Variants in SMYD2 observed in about 807,000 individuals in gnomAD.
SMYD2 encodes SET and MYND domain containing 2.
A neutral mutation model predicts 59.1 loss-of-function variants in SMYD2; 53 were observed. That is an observed-to-expected ratio of 0.90 (90% CI 0.72 to 1.13). The LOEUF (loss-of-function observed/expected upper bound fraction) is 1.13. Among genes scored for constraint, SMYD2 ranks in the 50% most tolerant of loss-of-function variants. The pLI, the probability that SMYD2 is intolerant of heterozygous loss-of-function variation, is 0.00. For synonymous variants in SMYD2, 208 were observed against 198.8 expected (o/e 1.05, Z -0.39); for missense variants, 494 against 544.7 (o/e 0.91, Z 0.93).
chr1:214,313,205 C>T (rs903449161), intron 2 of SMYD2, among the ~76,000 whole-genome samples: 1 of 152,132 alleles, frequency 6.6e-6, no homozygotes, highest in Admixed American at 6.6e-5. Flanking sequence ...CAACCTCTGC[C>T]TCCTGGGTTC....
At chr1:214,317,597 G>A (rs1442532032) in intron 3 of SMYD2, among the ~76,000 whole-genome samples, 4 of 152,180 alleles carry the variant, frequency 2.6e-5, no homozygotes, top group African/African-American at 7.2e-5. Flanking sequence ...CCAGCAACGC[G>A]TTTAAAGTGA....
intron 1 of SMYD2, among the ~76,000 whole-genome samples, chr1:214,288,299 C>T (rs1055280878): frequency 1.3e-5 from 2 of 152,180 alleles, no homozygotes; most frequent in African/African-American, 4.8e-5. Context: ...GGCCTTATTC[C>T]ATTTTACATA....
intron 3 of SMYD2, among the ~76,000 whole-genome samples, chr1:214,317,123 C>T (rs1230963509): frequency 2.0e-5 from 3 of 152,018 alleles, no homozygotes; most frequent in African/African-American, 4.8e-5. Flanking sequence ...AAATGCATCC[C>T]GTGAATGGAA....
chr1:214,282,433 A>G (rs1297967439), intron 1 of SMYD2, among the ~76,000 whole-genome samples: 1 of 152,188 alleles, frequency 6.6e-6, no homozygotes, highest in African/African-American at 2.4e-5. Flanking sequence ...ATTGGGGTTA[A>G]GTTTATATCA....
Position 214,283,178 on chromosome 1 carries a change from C to T in SMYD2, c.173+1751C>T, listed in dbSNP as rs556560087. Among the ~76,000 whole-genome samples, 7 of 152,342 alleles carry T rather than the reference C, an allele frequency of 4.6e-5. No homozygotes were observed. In the South Asian group the frequency reaches 1.2e-3, roughly 27 times the overall value. On this transcript the variant is annotated intron_variant, in intron 1 of 11. Transcript: ENST00000366957. Reference sequence around the variant, plus strand: ...TTAGCTTTAAGTCTCCTAATTGTATCTACTACGCATACCCCCAACCTTAGA... The same window carrying T: ...TTAGCTTTAAGTCTCCTAATTGTATTTACTACGCATACCCCCAACCTTAGA...
chr1:214,318,552 T>A lies in SMYD2; in HGVS notation c.410-307T>A, dbSNP rs1263662314. ...CCAATTGGGGGGCCCTTGACTAGGC[T>A]GAGGCTGGTTATGAGTCATTGCTAC... On this transcript the variant is annotated intron_variant, in intron 4 of 11. Transcript: ENST00000366957. This position sits in a 1 kb window ranked among gnomAD's most constrained non-coding sequence, Gnocchi z 5.4. Among the ~76,000 whole-genome samples the A allele has an allele frequency of 6.6e-6, 1 of 152,172 alleles. No individual in the cohort carries two copies. The highest frequency in any genetic ancestry group is 1.9e-4 in the East Asian group (1 of 5,184).
intron 1 of SMYD2, among the ~76,000 whole-genome samples, chr1:214,291,909 A>G (rs115386036): frequency 0.011 from 1,683 of 152,102 alleles, 35 homozygotes; most frequent in African/African-American, 0.038. Flanking sequence ...TTTAAACAGC[A>G]CTCTAAAAAA....
chr1:214,281,178 T>G lies in SMYD2; in HGVS notation c.-77T>G. 8 of 1,050,762 alleles carry G rather than the reference T, an allele frequency of 7.6e-6. No individual in the cohort carries two copies. Among genetic ancestry groups the G allele is most frequent in the South Asian group, 4.8e-5 (1 of 20,866 alleles). The allele number at this position is 1,050,762 out of a possible 1,614,324, so 65.1% of individuals were successfully genotyped here. A position where few individuals can be genotyped will look rare whatever the true frequency, so the allele number is the denominator to read the frequency against. On this transcript the variant is annotated 5_prime_UTR_variant, in exon 1 of 12. Coordinates refer to ENST00000366957, the MANE Select transcript of SMYD2 (RefSeq NM_020197.3). ...GCTCCCACCCCGCCCCCCGCAGCTC[T>G]AGGTGACGCGTCTCCAATAACAGCT...
At chr1:214,319,659 C>T (rs143585467) in intron 5 of SMYD2, among the ~76,000 whole-genome samples, 1 of 152,340 alleles carries the variant, frequency 6.6e-6, no homozygotes, top group Non-Finnish European at 1.5e-5. Context: ...GTGCAGTGGC[C>T]ATGCCTCGGG....
chr1:214,314,163 G>A (rs561185196), intron 2 of SMYD2, among the ~76,000 whole-genome samples: 3 of 151,270 alleles, frequency 2.0e-5, no homozygotes, highest in Non-Finnish European at 2.9e-5. Flanking sequence ...GCAACAGAGC[G>A]AGACTCTGTC....
chr1:214,317,301 TTGA>T (rs1480425052), intron 3 of SMYD2, among the ~76,000 whole-genome samples: 1 of 152,194 alleles, frequency 6.6e-6, no homozygotes, highest in Non-Finnish European at 1.5e-5. Flanking sequence ...TCTATAGGAC[TTGA>T]TGATTAAAAA....
At chr1:214,336,417 A>C (rs915982811) in intron 11 of SMYD2, among the ~76,000 whole-genome samples, 7 of 152,352 alleles carry the variant, frequency 4.6e-5, no homozygotes, top group African/African-American at 1.7e-4. Context: ...CTGTGGTCCC[A>C]GCTACTCGGG....
intron 2 of SMYD2, among the ~76,000 whole-genome samples, chr1:214,305,633 ATCTTACC>A (rs1656905052): frequency 6.6e-6 from 1 of 152,188 alleles, no homozygotes; most frequent in Non-Finnish European, 1.5e-5. Context: ...AGCAGGCTAC[ATCTTACC>A]CTTGGGCTGT....
chr1:214,330,610 T>C (rs1372147090), intron 8 of SMYD2, among the ~76,000 whole-genome samples: 2 of 152,248 alleles, frequency 1.3e-5, no homozygotes, highest in Admixed American at 1.3e-4. Flanking sequence ...CCAGAATATG[T>C]GGAAGTTTCC....
chr1:214,302,536 G>A lies in SMYD2; in HGVS notation c.174-2651G>A, dbSNP rs79665167. ...TGAAAGGGTCTCCGGGACCCCAGCAGTCTGTAGACCTTCTTGAGAATCACT... is the reference window on the plus strand; with the variant it reads ...TGAAAGGGTCTCCGGGACCCCAGCAATCTGTAGACCTTCTTGAGAATCACT... On this transcript the variant is annotated intron_variant, in intron 1 of 11. Transcript: ENST00000366957. 2.6e-3 allele frequency among the ~76,000 whole-genome samples: 392 copies of A among 152,284 alleles called. 2 individuals carry two copies. Among genetic ancestry groups the A allele is most frequent in the African/African-American group, 8.6e-3 (359 of 41,556 alleles).
intron 2 of SMYD2, among the ~76,000 whole-genome samples, chr1:214,313,450 C>T (rs1657031200): frequency 1.3e-5 from 2 of 151,520 alleles, no homozygotes; most frequent in South Asian, 4.2e-4. Context: ...CCAATTCCAT[C>T]GTGAAAGAGA....
chr1:214,329,320 C>A (rs1361860304), intron 7 of SMYD2, among the ~76,000 whole-genome samples: 1 of 152,042 alleles, frequency 6.6e-6, no homozygotes, highest in Non-Finnish European at 1.5e-5. Flanking sequence ...CCTCCCCTGC[C>A]TGCCTGGTGG....
chr1:214,336,777 G>C lies in SMYD2; in HGVS notation c.1295G>C (p.Ser432Thr). 6.2e-7 allele frequency: 1 copy of C among 1,613,114 alleles called. No individual in the cohort carries two copies. The highest frequency in any genetic ancestry group is 2.2e-5 in the East Asian group (1 of 44,836). ...YISEIKQEIESH is the reference protein window; with the variant it reads ...YISEIKQEIETH ...TCTGAGATCAAACAGGAAATTGAAA[G>C]CCACTGAAACTATGCAGCATTTCAG... is the stretch of plus-strand genomic sequence containing the variant. Residue 432 changes from serine (S) to threonine (T), a missense_variant, in exon 12 of 12, where the codon AGC (serine) becomes ACC (threonine). By Grantham distance (58) the Ser-to-Thr change is moderately conservative (BLOSUM62 1). Coordinates refer to ENST00000366957, the MANE Select transcript of SMYD2 (RefSeq NM_020197.3).
intron 10 of SMYD2, chr1:214,333,105 T>G (rs1248785967): frequency 6.6e-6 from 1 of 152,268 alleles, no homozygotes; most frequent in Non-Finnish European, 1.5e-5. Context: ...TGTGCCCTGA[T>G]TAGCCAGCAG....
Sources: gnomAD v4.1 joint callset for allele counts (sites outside exome capture counted in the v4.1 genomes callset) on GRCh38, gnomAD v4.1.1 for gene constraint, Gnocchi (gnomAD v3.1) non-coding constraint, MANE v1.5 for transcripts, NCBI Gene and HGNC (gene_info 2026-07-23, HGNC 2026-07-21) for gene names.